The following PCNP variants were observed in gnomAD, a reference collection of about 807,000 sequenced individuals.
PCNP encodes PEST proteolytic signal containing nuclear protein.
PCNP carries 6 observed loss-of-function variants against 21.8 expected under a neutral mutation model. That is an observed-to-expected ratio of 0.28 (90% confidence interval 0.15 to 0.54). The LOEUF (loss-of-function observed/expected upper bound fraction) is 0.54, where lower values mean the gene tolerates loss of function less well. PCNP is among the 20% of genes least tolerant of loss of function. PCNP has a pLI of 0.95. For missense variants in PCNP, 161 were observed against 215.5 expected, an observed-to-expected ratio of 0.75 and a Z score of 1.58; for synonymous variants, 67 against 73.2, an observed-to-expected ratio of 0.92 and a Z score of 0.43.
chr3:101,582,322 G>C (rs1935266726), intron 2 of PCNP, among the ~76,000 whole-genome samples: 1 of 151,994 alleles, frequency 6.6e-6, no homozygotes, highest in South Asian at 2.1e-4. Context: ...GTGTGGTGGC[G>C]GGCGCCTGTA....
intron 2 of PCNP, among the ~76,000 whole-genome samples, chr3:101,581,559 G>A (rs1163984363): frequency 6.6e-6 from 1 of 151,864 alleles, no homozygotes; most frequent in African/African-American, 2.4e-5. Context: ...TCAGCCTTCT[G>A]AGTAGCTGGG....
intron 1 of PCNP, chr3:101,576,595 C>T (rs1934909716): frequency 1.6e-5 from 26 of 1,610,930 alleles, no homozygotes; most frequent in Middle Eastern, 2.2e-4. Flanking sequence ...TCTATGGGCC[C>T]GAATCTTCTT....
intron 3 of PCNP, 67 bp from the exon 4 acceptor site, chr3:101,590,148 G>A (rs534659395): frequency 4.8e-5 from 40 of 825,078 alleles, no homozygotes; most frequent in East Asian, 4.6e-4. Context: ...AAAATTTAGC[G>A]TATTAGTAAT....
At chr3:101,587,019 C>T (rs1042317906) in intron 3 of PCNP, among the ~76,000 whole-genome samples, 5 of 151,912 alleles carry the variant, frequency 3.3e-5, no homozygotes, top group Non-Finnish European at 7.4e-5. Context: ...TTTGGGAGGC[C>T]GAGGCGGGCG....
At chr3:101,590,399 C>G in intron 4 of PCNP, 129 bp downstream of exon 4, 2 of 617,350 alleles carry the variant, frequency 3.2e-6, no homozygotes, top group Non-Finnish European at 5.8e-6. Flanking sequence ...AAAGCATGTT[C>G]TGTGTACTAG....
At chr3:101,578,083 C>T (rs1023570326) in intron 1 of PCNP, among the ~76,000 whole-genome samples, 6 of 152,012 alleles carry the variant, frequency 3.9e-5, no homozygotes, top group African/African-American at 1.2e-4. Flanking sequence ...TTTAAAAAAA[C>T]TGATCATGTA....
Position 101,575,473 on chromosome 3 carries a change from CCT to C in PCNP, c.64+1195_64+1196del, listed in dbSNP as rs201354666. On this transcript the variant is annotated intron_variant, in intron 1 of 4. Transcript: ENST00000265260. ...CCATCTCTCTCTTCCCTCCCCACCC[CCT>C]GTCTTTTTTTTTTTTTATAACTAGT... 9.9e-3 allele frequency among the ~76,000 whole-genome samples: 1,497 copies of C among 151,150 alleles called. 22 individuals carry two copies. Among genetic ancestry groups the C allele is most frequent in the African/African-American group, 0.034 (1,399 of 41,284 alleles).
chr3:101,586,459 A>G (rs1010811435), intron 3 of PCNP, among the ~76,000 whole-genome samples: 6 of 151,040 alleles, frequency 4.0e-5, no homozygotes, highest in Non-Finnish European at 7.4e-5. Context: ...CCTAACCCCC[A>G]CTCATGATGT....
chr3:101,574,750 C>T (rs1188547254), intron 1 of PCNP: 1 of 157,418 alleles, frequency 6.4e-6, no homozygotes, highest in Admixed American at 6.5e-5. Flanking sequence ...CTCTCAGTTA[C>T]ACGCAGGAGT....
chr3:101,583,673 A>T (rs1383496513), intron 2 of PCNP, among the ~76,000 whole-genome samples: 1 of 152,034 alleles, frequency 6.6e-6, no homozygotes, highest in African/African-American at 2.4e-5. Flanking sequence ...TTTGAGACAG[A>T]GACTCACTCT....
intron 4 of PCNP, among the ~76,000 whole-genome samples, chr3:101,591,735 GGTTTTTTT>G (rs949316405): frequency 4.0e-5 from 6 of 149,782 alleles, no homozygotes; most frequent in Non-Finnish European, 8.9e-5. Context: ...ACAGGCAACA[GGTTTTTTT>G]GTTTTTTTGT....
At chr3:101,578,935 A>G (rs888667644) in intron 1 of PCNP, among the ~76,000 whole-genome samples, 14 of 152,186 alleles carry the variant, frequency 9.2e-5, no homozygotes, top group East Asian at 3.8e-4. Flanking sequence ...TTACCGCCTG[A>G]TATGTTCTTA....
At chr3:101,590,543 C>T (rs541685011) in intron 4 of PCNP, among the ~76,000 whole-genome samples, 1 of 152,080 alleles carries the variant, frequency 6.6e-6, no homozygotes, top group Non-Finnish European at 1.5e-5. Context: ...TAAGACATAA[C>T]AATAATTTAA....
At chr3:101,583,607 C>T (rs1015185857) in intron 2 of PCNP, among the ~76,000 whole-genome samples, 1 of 151,524 alleles carries the variant, frequency 6.6e-6, no homozygotes, top group African/African-American at 2.4e-5. Context: ...CAGAGTAAGA[C>T]CTTGTCTCAA....
intron 1 of PCNP, 111 bp downstream of exon 1, chr3:101,574,390 C>T (rs1934742528): frequency 3.0e-6 from 4 of 1,338,440 alleles, no homozygotes; most frequent in Admixed American, 5.2e-5. Flanking sequence ...TGGACCTCAC[C>T]CGGCCAGGTG....
At position 101,585,532 on chromosome 3, in the gene PCNP, G is replaced by A. The variant is rs780551558; in HGVS notation, c.354+21G>A. ...AAGATGTAAGTTGATATCGAGTTTT[G>A]TTTTTTTACTTTAACCAGTTATTTA... On this transcript the variant is annotated intron_variant, in intron 3 of 4. Coordinates refer to ENST00000265260, the MANE Select transcript of PCNP (RefSeq NM_020357.3). The A allele has an allele frequency of 2.6e-6, 4 of 1,532,110 alleles. No homozygotes were observed. The Admixed American group carries it at 7.0e-5, about 27-fold the overall frequency. 94.9% of individuals were successfully genotyped at this position (1,532,110 alleles called of 1,614,324 possible). A position where few individuals can be genotyped will look rare whatever the true frequency, so the allele number is the denominator to read the frequency against.
intron 3 of PCNP, among the ~76,000 whole-genome samples, chr3:101,586,601 C>CAG (rs59827485): frequency 0.24 from 31,997 of 133,112 alleles, 3,733 homozygotes; most frequent in East Asian, 0.3. Flanking sequence ...TTTCTTGTTT[C>CAG]AGAGAGAGAG....
chr3:101,574,484 G>A (rs1934749053), intron 1 of PCNP, among the ~76,000 whole-genome samples: 1 of 152,188 alleles, frequency 6.6e-6, no homozygotes, highest in Non-Finnish European at 1.5e-5. Context: ...GGGAGAGCCG[G>A]CCACTGTTCG....
chr3:101,592,210 G>A (rs1358721758), intron 4 of PCNP, among the ~76,000 whole-genome samples: 2 of 151,902 alleles, frequency 1.3e-5, no homozygotes, highest in African/African-American at 4.8e-5. Context: ...GTCTTGCTCT[G>A]TTGCCCAGGC....
Sources: gnomAD v4.1 joint callset for allele counts (sites outside exome capture counted in the v4.1 genomes callset) on GRCh38, gnomAD v4.1.1 for gene constraint, MANE v1.5 for transcripts, NCBI Gene and HGNC (gene_info 2026-07-23, HGNC 2026-07-21) for gene names.